The following SMUG1 variants were observed in gnomAD, a reference collection of about 807,000 sequenced individuals.
SMUG1 encodes the protein single-strand-selective monofunctional uracil-DNA glycosylase 1, also known as single-strand selective monofunctional uracil DNA glycosylase.
SMUG1 carries 13 observed loss-of-function variants against 23.9 expected under a neutral mutation model. The ratio of observed to expected loss-of-function variants is 0.54; its 90% CI spans 0.35 to 0.86. The LOEUF is 0.86. Ranked by LOEUF, SMUG1 falls within the 40% of genes least tolerant of loss-of-function variation. The pLI is 0.01. For synonymous variants in SMUG1, 133 were observed against 139.8 expected (o/e 0.95, Z 0.34); for missense variants, 313 against 339.5 (o/e 0.92, Z 0.61).
At chr12:54,184,641 T>C (rs1166966166) in intron 2 of SMUG1, among the ~76,000 whole-genome samples, 1 of 152,242 alleles carries the variant, frequency 6.6e-6, no homozygotes, top group Non-Finnish European at 1.5e-5. Context: ...TCTCTCTGGC[T>C]CAAGGCTATG....
At chr12:54,179,965 C>G (rs928512886), downstream of SMUG1, among the ~76,000 whole-genome samples, 7 of 152,210 alleles carry the variant, frequency 4.6e-5, no homozygotes, top group Admixed American at 3.9e-4. Flanking sequence ...CTCAGCACAT[C>G]CATGTGTTCA....
chr12:54,181,247 G>T lies in SMUG1; in HGVS notation c.*849C>A. 3.1e-6 allele frequency: 1 copy of T among 324,728 alleles called. No homozygotes were observed. Among genetic ancestry groups the T allele is most frequent in the Non-Finnish European group, 5.7e-6 (1 of 176,722 alleles). The allele number at this position is 324,728 out of a possible 1,614,324, so 20.1% of individuals were successfully genotyped here. On this transcript the variant is annotated 3_prime_UTR_variant, in exon 4 of 4. Transcript: ENST00000682136. ...CAAGAATTTTCCCTTCACCCTGGCCGCAGGTGGAAGCCCAGACTCTCTCCT... is the reference window on the plus strand; with the variant it reads ...CAAGAATTTTCCCTTCACCCTGGCCTCAGGTGGAAGCCCAGACTCTCTCCT...
In SMUG1 at chr12:54,168,917, GA is replaced by G. The variant is rs571074867; in HGVS notation, c.*52+3107del. On this transcript the variant is annotated intron_variant and NMD_transcript_variant, in intron 3 of 4. Coordinates refer to the SMUG1 transcript ENST00000509864. Reference sequence around the variant, plus strand: ...AAGGAACCAGGGAAGATGGAAATGAGAAAAAGGGAGTCTAAGACAGTCCCCG... The same window carrying G: ...AAGGAACCAGGGAAGATGGAAATGAGAAAAGGGAGTCTAAGACAGTCCCCG... 9.2e-5 allele frequency among the ~76,000 whole-genome samples: 14 copies of G among 152,250 alleles called. No homozygotes were observed. The South Asian group carries it at 2.9e-3, about 31-fold the overall frequency.
chr12:54,183,985 C>T, intron 2 of SMUG1, 26 bp from the exon 3 acceptor site: 4 of 1,459,516 alleles, frequency 2.7e-6, no homozygotes, highest in Non-Finnish European at 3.6e-6. Context: ...GACAGAAGCC[C>T]CATCAACCCT....
intron 3 of SMUG1, chr12:54,182,843 T>A (rs2136651687): frequency 1.1e-6 from 1 of 894,024 alleles, no homozygotes; most frequent in East Asian, 2.8e-5. Flanking sequence ...AAGAATTTGT[T>A]TCCCTCTAGC....
At chr12:54,171,150 C>A (rs1940604881) in intron 3 of SMUG1, among the ~76,000 whole-genome samples, 1 of 151,874 alleles carries the variant, frequency 6.6e-6, no homozygotes, top group Non-Finnish European at 1.5e-5. Flanking sequence ...CAGGCGTCCG[C>A]CACCACATCT....
At chr12:54,165,073 T>C (rs1940402645) in intron 4 of SMUG1, 2 of 152,218 alleles carry the variant, frequency 1.3e-5, no homozygotes. Context: ...TGATCTCTCC[T>C]CCTGTCTTCC....
intron 3 of SMUG1, among the ~76,000 whole-genome samples, chr12:54,168,860 G>A (rs1940548899): frequency 6.6e-6 from 1 of 152,206 alleles, no homozygotes; most frequent in Non-Finnish European, 1.5e-5. Context: ...AGAAGGGAAG[G>A]AAGAGTGAGA....
chr12:54,181,996 G>A lies in SMUG1; in HGVS notation c.*100C>T. ...CGTTTCCCAGCGACCAGGGTGCACA[G>A]AAGGACCTTTTGCTCCAGTCCAGGA... On this transcript the variant is annotated 3_prime_UTR_variant, in exon 4 of 4. Transcript: ENST00000682136. The A allele has an allele frequency of 1.3e-6, 2 of 1,508,152 alleles. No homozygotes were observed. The highest frequency in any genetic ancestry group is 2.3e-5 in the Admixed American group (1 of 43,310). The allele number at this position is 1,508,152 out of a possible 1,614,324, so 93.4% of individuals were successfully genotyped here. A position where few individuals can be genotyped will look rare whatever the true frequency, so the allele number is the denominator to read the frequency against.
In SMUG1 at chr12:54,165,594, C is replaced by G. The variant is rs184369142; in HGVS notation, c.*53-116G>C. 6 of 152,284 alleles carry G rather than the reference C, an allele frequency of 3.9e-5. No homozygotes were observed. The East Asian group carries it at 1.2e-3, about 29-fold the overall frequency. 9.4% of individuals were successfully genotyped at this position (152,284 alleles called of 1,614,324 possible). A position where few individuals can be genotyped will look rare whatever the true frequency, so the allele number is the denominator to read the frequency against. ...AACTAAAGTGGGAAGACCCCTTGAGCCCAGGAGTTTGAGGCTGCAGTGAGC... is the reference window on the plus strand; with the variant it reads ...AACTAAAGTGGGAAGACCCCTTGAGGCCAGGAGTTTGAGGCTGCAGTGAGC... On this transcript the variant is annotated intron_variant and NMD_transcript_variant, in intron 3 of 4. Transcript: ENST00000509864.
At chr12:54,163,792 GATA>G (rs1940349966), downstream of SMUG1, among the ~76,000 whole-genome samples, 1 of 152,200 alleles carries the variant, frequency 6.6e-6, no homozygotes, top group African/African-American at 2.4e-5. Flanking sequence ...GTAAAATGGG[GATA>G]ATAATATTCA....
downstream of SMUG1, among the ~76,000 whole-genome samples, chr12:54,175,520 G>A (rs943130197): frequency 6.6e-6 from 1 of 152,164 alleles, no homozygotes; most frequent in African/African-American, 2.4e-5. Context: ...TCCACTCCAT[G>A]GAGGTGGTAA....
intron 3 of SMUG1, among the ~76,000 whole-genome samples, chr12:54,168,759 AT>A (rs966615748): frequency 6.6e-6 from 1 of 152,130 alleles, no homozygotes; most frequent in African/African-American, 2.4e-5. Context: ...ACAGGGGTAC[AT>A]TTGACTGAAG....
chr12:54,176,159 G>T (rs929051513), downstream of SMUG1, among the ~76,000 whole-genome samples: 1 of 151,814 alleles, frequency 6.6e-6, no homozygotes, highest in Non-Finnish European at 1.5e-5. Flanking sequence ...CCGGGAGGCA[G>T]AAGTTGTGGT....
At chr12:54,185,546 C>T (rs1359506625) in intron 2 of SMUG1, among the ~76,000 whole-genome samples, 2 of 149,128 alleles carry the variant, frequency 1.3e-5, no homozygotes, top group African/African-American at 4.9e-5. Flanking sequence ...GGCGCAACAG[C>T]TCATGCCTGT....
At position 54,183,740 on chromosome 12, in the gene SMUG1, G is replaced by A. The variant is rs141031134; in HGVS notation, c.201C>T (p.Asn67=). ...GGCCCTGGCAGTAGCGAGTCACGTA[G>A]TTGCGATGTGGCTCCCATGCATACT... The part of the protein sequence containing the change: ...PVEYAWEPHR[N]YVTRYCQGPK... Residue 67 remains asparagine, a synonymous_variant, in exon 3 of 4, where the codon AAC becomes AAT. Coordinates refer to ENST00000682136, the MANE Select transcript of SMUG1 (RefSeq NM_001243787.2). 6.2e-6 allele frequency: 10 copies of A among 1,613,990 alleles called. No homozygotes were observed. Among genetic ancestry groups the A allele is most frequent in the Non-Finnish European group, 7.6e-6 (9 of 1,179,998 alleles).
At chr12:54,183,501 G>T in intron 3 of SMUG1, 155 bp downstream of exon 3, 1 of 725,272 alleles carries the variant, frequency 1.4e-6, no homozygotes, top group Non-Finnish European at 2.3e-6. Flanking sequence ...AGAGGGCCTC[G>T]GACCACAGGA....
downstream of SMUG1, among the ~76,000 whole-genome samples, chr12:54,177,345 G>C (rs1469321816): frequency 6.6e-6 from 1 of 152,134 alleles, no homozygotes; most frequent in Non-Finnish European, 1.5e-5. Context: ...TTCACTGGCA[G>C]GGTTGTAAGC....
At chr12:54,178,934 G>A (rs1278643754), downstream of SMUG1, among the ~76,000 whole-genome samples, 1 of 152,154 alleles carries the variant, frequency 6.6e-6, no homozygotes, top group East Asian at 1.9e-4. Flanking sequence ...TGGCTGCTAG[G>A]GCGGCTAGAA....
Sources: allele counts gnomAD v4.1 joint callset (sites outside exome capture counted in the v4.1 genomes callset), GRCh38; gene constraint gnomAD v4.1.1; transcripts MANE v1.5; gene names NCBI Gene and HGNC (gene_info 2026-07-23, HGNC 2026-07-21).